ZCCHC14: variants seen among roughly 807,000 people sequenced by gnomAD.
The protein encoded by ZCCHC14 is zinc finger CCHC domain-containing protein 14.
ZCCHC14 carries 16 observed loss-of-function variants against 85.0 expected under a neutral mutation model. The ratio of observed to expected loss-of-function variants is 0.19; its 90% CI spans 0.13 to 0.29. ZCCHC14 has a LOEUF of 0.29. ZCCHC14 is among the 10% of genes least tolerant of loss of function. The pLI is 1.00. For missense variants in ZCCHC14, 1,303 were observed against 1,443.5 expected (o/e 0.90, Z 1.58); for synonymous variants, 775 against 630.7 (o/e 1.23, Z -3.43).
At chr16:87,428,823 T>C (rs1056331699) in intron 3 of ZCCHC14, among the ~76,000 whole-genome samples, 20 of 152,382 alleles carry the variant, frequency 1.3e-4, no homozygotes, top group African/African-American at 4.6e-4. Context: ...GTCTAGTTTC[T>C]TTCACACAAC....
In ZCCHC14 at chr16:87,492,268, G is replaced by A. The variant is rs1253474913; in HGVS notation, c.-30C>T. On this transcript the variant is annotated 5_prime_UTR_variant, in exon 1 of 13. Transcript: ENST00000671377. This position sits in a 1 kb window ranked among gnomAD's most constrained non-coding sequence, Gnocchi z 6.7. ...CCGCCCGCGCCGCGCCGCGACCCGG[G>A]GCCGGGGACCGCGCGGGGGCGGCCG... 4.1e-6 allele frequency: 4 copies of A among 978,878 alleles called. No individual in the cohort carries two copies. Among genetic ancestry groups the A allele is most frequent in the Non-Finnish European group, 4.8e-6 (4 of 827,496 alleles). 60.6% of individuals were successfully genotyped at this position (978,878 alleles called of 1,614,324 possible).
chr16:87,488,971 T>A (rs1252806423), intron 1 of ZCCHC14, among the ~76,000 whole-genome samples: 2 of 151,818 alleles, frequency 1.3e-5, no homozygotes, highest in Non-Finnish European at 2.9e-5. Context: ...GCTCAAAGAG[T>A]TCAAAATAAA....
chr16:87,490,353 C>CT (rs1912696519), intron 1 of ZCCHC14, among the ~76,000 whole-genome samples: 4 of 152,234 alleles, frequency 2.6e-5, no homozygotes, highest in African/African-American at 9.6e-5. Context: ...TGCAAAGAGA[C>CT]ACTGAGCAAG....
chr16:87,413,231 G>C (rs1017178126), intron 10 of ZCCHC14, 36 bp from the exon 11 acceptor site: 2 of 1,490,292 alleles, frequency 1.3e-6, no homozygotes, highest in African/African-American at 2.8e-5. Context: ...CCATCAACTA[G>C]CGCCCCTGCA....
At chr16:87,448,677 T>C (rs1480117611) in intron 2 of ZCCHC14, among the ~76,000 whole-genome samples, 1 of 152,204 alleles carries the variant, frequency 6.6e-6, no homozygotes, top group Non-Finnish European at 1.5e-5. Context: ...GTCTTCATGT[T>C]TTCTTTTTTC....
rs1364037263 is a variant in ZCCHC14 at position 87,412,240 on chromosome 16, A to G, written c.2481T>C (p.Ser827=). The G allele has an allele frequency of 1.2e-6, 2 of 1,612,372 alleles. No individual in the cohort carries two copies. Among genetic ancestry groups the G allele is most frequent in the African/African-American group, 1.3e-5 (1 of 74,892 alleles). ...CACCCTGCAGGGGGCCCACTGGCAT[A>G]CTGCTCATTGCAGAAAAGGCAACTT... ...NTKVAFSAMS[S]MPVGPLQGGF... The change falls in exon 12 of 13, where the codon AGT becomes AGC. Residue 827 remains serine (S), a synonymous_variant. Transcript: ENST00000671377.
chr16:87,460,073 A>C lies in ZCCHC14; in HGVS notation c.629T>G (p.Leu210Arg). Residue 210 changes from leucine (L) to arginine (R), a missense_variant, in exon 2 of 13, where the codon CTG (leucine) becomes CGG (arginine). Around this residue, in one of 7 missense-constraint regions of ZCCHC14, gnomAD observed 389 missense variants for 397.8 expected, o/e 0.98. Coordinates refer to ENST00000671377, the MANE Select transcript of ZCCHC14 (RefSeq NM_015144.3). ...SSVSNSLENA[L>R]HTSAHSTEES... is the part of the protein sequence containing the mutation. ...CTCCGTGGAATGTGCTGATGTGTGC[A>C]GGGCATTCTCCAAACTATTACTGAC... is the stretch of plus-strand genomic sequence containing the variant. 1 of 1,614,172 alleles carries C rather than the reference A, an allele frequency of 6.2e-7. No individual in the cohort carries two copies. The highest frequency in any genetic ancestry group is 8.5e-7 in the Non-Finnish European group (1 of 1,180,022).
intron 1 of ZCCHC14, among the ~76,000 whole-genome samples, chr16:87,464,451 G>A (rs558048517): frequency 2.6e-4 from 40 of 152,212 alleles, no homozygotes; most frequent in Non-Finnish European, 4.7e-4. Context: ...GTCCAATCCC[G>A]GCAAGGACAA....
At position 87,447,184 on chromosome 16, in the gene ZCCHC14, C is replaced by A. The variant is rs900504728; in HGVS notation, c.694+12824G>T. ...GACACATACATATTCTTAAAGATGG[C>A]GGAAGAAACAGACCTCACCCCTCCA... On this transcript the variant is annotated intron_variant, in intron 2 of 12. Transcript: ENST00000671377. Among the ~76,000 whole-genome samples the A allele has an allele frequency of 2.6e-5, 4 of 151,972 alleles. No homozygotes were observed. The East Asian group carries it at 5.8e-4, about 22-fold the overall frequency.
chr16:87,427,007 G>A (rs958239956), intron 3 of ZCCHC14, among the ~76,000 whole-genome samples: 22 of 152,242 alleles, frequency 1.4e-4, no homozygotes, highest in African/African-American at 5.3e-4. Context: ...GACGGGACGC[G>A]GGCTCGCGTG....
intron 2 of ZCCHC14, among the ~76,000 whole-genome samples, chr16:87,458,185 T>G (rs1345462822): frequency 6.6e-6 from 1 of 151,650 alleles, no homozygotes; most frequent in Admixed American, 6.6e-5. Context: ...ATTCACAGGG[T>G]GTGCAGGGCA....
chr16:87,461,280 G>C (rs866042607), intron 1 of ZCCHC14, among the ~76,000 whole-genome samples: 2 of 152,218 alleles, frequency 1.3e-5, no homozygotes, highest in Admixed American at 6.5e-5. Flanking sequence ...GCGAGAGGAG[G>C]GGGGTAGCAA....
At chr16:87,416,796 G>A (rs1351874885) in intron 8 of ZCCHC14, among the ~76,000 whole-genome samples, 3 of 152,022 alleles carry the variant, frequency 2.0e-5, no homozygotes, top group Non-Finnish European at 2.9e-5. Flanking sequence ...TAAACAAAGG[G>A]TATTACAAAT....
intron 1 of ZCCHC14, among the ~76,000 whole-genome samples, chr16:87,489,406 G>A (rs1281117080): frequency 6.6e-6 from 1 of 152,166 alleles, no homozygotes; most frequent in Non-Finnish European, 1.5e-5. Context: ...TAGCCAAGAT[G>A]TAAATAATTC....
Position 87,429,772 on chromosome 16 carries a change from A to G in ZCCHC14, c.768+3356T>C, listed in dbSNP as rs1043727654. Among the ~76,000 whole-genome samples the G allele has an allele frequency of 3.6e-4, 55 of 152,154 alleles. 1 individual carries two copies. The highest frequency in any genetic ancestry group is 1.9e-4 in the East Asian group (1 of 5,184). On this transcript the variant is annotated intron_variant, in intron 3 of 12. Coordinates refer to ENST00000671377, the MANE Select transcript of ZCCHC14 (RefSeq NM_015144.3). ...CAGGTACCAGCTACCACGCCTGGCT[A>G]ATTTTTCTATTTTTACTAGAGAGAG...
chr16:87,428,118 C>T (rs1028189436), intron 3 of ZCCHC14, among the ~76,000 whole-genome samples: 6 of 151,926 alleles, frequency 3.9e-5, no homozygotes, highest in African/African-American at 1.5e-4. Flanking sequence ...GAGGAACTAG[C>T]GATTATAATT....
In ZCCHC14 at chr16:87,483,905, C is replaced by G. The variant is rs567089849; in HGVS notation, c.570+7764G>C. On this transcript the variant is annotated intron_variant, in intron 1 of 12. Coordinates refer to ENST00000671377, the MANE Select transcript of ZCCHC14 (RefSeq NM_015144.3). ...TGATATGTATATAATATGTAAATGA[C>G]AGTGCACTGGTTTGTAATAATACGA... Among the ~76,000 whole-genome samples, 10 of 152,310 alleles carry G rather than the reference C, an allele frequency of 6.6e-5. No individual in the cohort carries two copies. The East Asian group carries it at 1.9e-3, about 29-fold the overall frequency.
chr16:87,450,568 CTTTTT>C (rs896071309), intron 2 of ZCCHC14, among the ~76,000 whole-genome samples: 1 of 125,588 alleles, frequency 8.0e-6, no homozygotes, highest in African/African-American at 2.9e-5. Context: ...ATAATAGATT[CTTTTT>C]TTTTTTTTTT....
chr16:87,417,745 G>T lies in ZCCHC14; in HGVS notation c.1101-3C>A. 6.3e-7 allele frequency: 1 copy of T among 1,582,644 alleles called. No individual in the cohort carries two copies. On this transcript the variant is annotated splice_polypyrimidine_tract_variant and splice_region_variant and intron_variant, in intron 7 of 12. Coordinates refer to ENST00000671377, the MANE Select transcript of ZCCHC14 (RefSeq NM_015144.3). ...TACCAGCCACTCCACACACAGGCCT[G>T]TGGGACAGGGGCAGGAGGGACACAG...
Sources: gnomAD v4.1 joint callset for allele counts (sites outside exome capture counted in the v4.1 genomes callset) on GRCh38, gnomAD v4.1.1 for gene constraint, gnomAD v4.1.1 regional missense constraint, Gnocchi (gnomAD v3.1) non-coding constraint, MANE v1.5 for transcripts, NCBI Gene and HGNC (gene_info 2026-07-23, HGNC 2026-07-21) for gene names.